Variants in KIAA0586 observed in about 807,000 individuals in gnomAD.
The protein encoded by KIAA0586 is protein TALPID3.
In KIAA0586, 144 loss-of-function variants were observed where a neutral mutation model predicts 169.8. The observed-to-expected ratio is 0.85, with a 90% CI of 0.74 to 0.97. KIAA0586 has a LOEUF of 0.97. KIAA0586 is among the 50% of genes least tolerant of loss of function. The pLI is 0.00. For missense variants in KIAA0586, 1,854 were observed against 1,823.0 expected (o/e 1.02, Z -0.31); for synonymous variants, 625 against 612.4 (o/e 1.02, Z -0.30).
chr14:58,498,794 CAG>C lies in KIAA0586; in HGVS notation c.4003_4004del (p.Ser1335CysfsTer3), dbSNP rs750350722. The C allele has an allele frequency of 1.3e-6, 2 of 1,594,384 alleles. No homozygotes were observed. The highest frequency in any genetic ancestry group is 2.3e-5 in the South Asian group (2 of 85,738). On this transcript the variant is annotated frameshift_variant, in exon 27 of 31. Coordinates refer to ENST00000652326, the MANE Select transcript of KIAA0586 (RefSeq NM_001329943.3). LOFTEE classifies it high-confidence loss of function. ...TCTGCTTTTTAAAGGACTTGGAAAACAGTGTGGGTGAACTTAGTGAAGGACAA... is the reference window on the plus strand; with the variant it reads ...TCTGCTTTTTAAAGGACTTGGAAAACTGTGGGTGAACTTAGTGAAGGACAA... ...AVYHSEDLEN[S>X]VGELSEGQRP... is the part of the protein sequence containing the mutation.
At chr14:58,547,599 G>T (rs750525482) in intron 30 of KIAA0586, among the ~76,000 whole-genome samples, 182 bp from the exon 31 acceptor site, 9 of 152,150 alleles carry the variant, frequency 5.9e-5, no homozygotes, top group Non-Finnish European at 1.2e-4. Flanking sequence ...GTGGAAAGGA[G>T]GAAGGTGTAT....
In KIAA0586 at chr14:58,489,223, A is replaced by ATT. The variant is rs5808974; in HGVS notation, c.3781+364_3781+365dup. Among the ~76,000 whole-genome samples the ATT allele has an allele frequency of 6.4e-3, 869 of 135,596 alleles. 25 individuals carry two copies. Among genetic ancestry groups the ATT allele is most frequent in the African/African-American group, 0.017 (633 of 36,502 alleles). The allele number at this position is 135,596 out of a possible 152,430, so 89.0% of individuals were successfully genotyped here. On this transcript the variant is annotated intron_variant, in intron 24 of 30. Coordinates refer to ENST00000652326, the MANE Select transcript of KIAA0586 (RefSeq NM_001329943.3). Reference sequence around the variant, plus strand: ...CTATGCATATTGTTTTGAAACCTGAATTTTTTTTTTTTTTTTGAGACAGGT... The same window carrying ATT: ...CTATGCATATTGTTTTGAAACCTGAATTTTTTTTTTTTTTTTTTGAGACAGGT...
At chr14:58,490,342 CA>C in intron 25 of KIAA0586, 102 bp downstream of exon 25, 1 of 517,920 alleles carries the variant, frequency 1.9e-6, no homozygotes, top group Non-Finnish European at 3.3e-6. Context: ...GAGTTATAGA[CA>C]CAAAATTTAG....
At chr14:58,435,621 T>C (rs535182299) in intron 4 of KIAA0586, among the ~76,000 whole-genome samples, 2 of 152,304 alleles carry the variant, frequency 1.3e-5, no homozygotes, top group East Asian at 3.9e-4. Context: ...AATCTCTCCC[T>C]ATGCCCCCCT....
chr14:58,439,060 CTG>C (rs2038070183), intron 4 of KIAA0586, among the ~76,000 whole-genome samples: 1 of 152,186 alleles, frequency 6.6e-6, no homozygotes, highest in African/African-American at 2.4e-5. Context: ...ATGTGCCAAA[CTG>C]AGAGAAAAAG....
intron 4 of KIAA0586, among the ~76,000 whole-genome samples, chr14:58,438,797 G>C (rs1202541962): frequency 6.6e-6 from 1 of 152,176 alleles, no homozygotes; most frequent in Non-Finnish European, 1.5e-5. Context: ...TGGAAGAAGG[G>C]TGAGAGAGCA....
At chr14:58,437,729 AGGCCAAGTTCAC>A (rs1566781900) in intron 4 of KIAA0586, among the ~76,000 whole-genome samples, 1 of 127,836 alleles carries the variant, frequency 7.8e-6, no homozygotes, top group African/African-American at 2.9e-5. Flanking sequence ...AAAAAAAAAA[AGGCCAAGTTCAC>A]AAAAGGGATC....
Position 58,427,858 on chromosome 14 carries a change from G to A in KIAA0586, c.-407G>A, listed in dbSNP as rs1013183426. On this transcript the variant is annotated 5_prime_UTR_variant, in exon 1 of 31. The change creates a new upstream start codon in the 5' untranslated region. Transcript: ENST00000652326. ...TGAAGAAAGCTATTACGCTTCTTAT[G>A]TGGGTCATTATTTTAAAAATAGCAT... 27 of 1,401,330 alleles carry A rather than the reference G, an allele frequency of 1.9e-5. No individual in the cohort carries two copies. Among genetic ancestry groups the A allele is most frequent in the Non-Finnish European group, 2.5e-5 (27 of 1,070,490 alleles). 86.8% of individuals were successfully genotyped at this position (1,401,330 alleles called of 1,614,324 possible). A position where few individuals can be genotyped will look rare whatever the true frequency, so the allele number is the denominator to read the frequency against.
At chr14:58,485,168 C>A (rs1410662226) in intron 21 of KIAA0586, among the ~76,000 whole-genome samples, 1 of 150,608 alleles carries the variant, frequency 6.6e-6, no homozygotes, top group Non-Finnish European at 1.5e-5. Context: ...GTGATCTGCC[C>A]ATCTCAGCCT....
At chr14:58,491,841 A>C (rs1445421098) in intron 25 of KIAA0586, among the ~76,000 whole-genome samples, 1 of 152,264 alleles carries the variant, frequency 6.6e-6, no homozygotes, top group Non-Finnish European at 1.5e-5. Flanking sequence ...GATATCATAT[A>C]AAACATTTAT....
chr14:58,490,012 T>A (rs1261740658), intron 24 of KIAA0586, among the ~76,000 whole-genome samples, 152 bp from the exon 25 acceptor site: 1 of 152,202 alleles, frequency 6.6e-6, no homozygotes, highest in Non-Finnish European at 1.5e-5. Context: ...ACTGGTAAGA[T>A]TGAGTAGTTT....
intron 22 of KIAA0586, 119 bp from the exon 23 acceptor site, chr14:58,487,768 A>C: frequency 1.6e-6 from 1 of 624,782 alleles, no homozygotes; most frequent in African/African-American, 1.8e-5. Flanking sequence ...TATTAATTAT[A>C]ATTGCCATTA....
At chr14:58,433,004 G>A (rs2037506196) in intron 4 of KIAA0586, 1 of 152,252 alleles carries the variant, frequency 6.6e-6, no homozygotes, top group South Asian at 2.1e-4. Context: ...GCGTGAGCCA[G>A]TGCGCCCTGT....
At chr14:58,555,095 C>CTTTTTTTTTTTTTTTTTTTT (rs375867068), downstream of KIAA0586, among the ~76,000 whole-genome samples, 1 of 113,478 alleles carries the variant, frequency 8.8e-6, no homozygotes, top group African/African-American at 3.3e-5. Flanking sequence ...CTTTTTCTTT[C>CTTTTTTTTTTTTTTTTTTTT]TTTCTTTTTT....
chr14:58,486,490 G>T (rs914688461), intron 21 of KIAA0586, among the ~76,000 whole-genome samples: 1 of 151,910 alleles, frequency 6.6e-6, no homozygotes, highest in Non-Finnish European at 1.5e-5. Flanking sequence ...AGACATACAA[G>T]CAGTCAACAA....
chr14:58,427,753 C>T lies in KIAA0586; in HGVS notation c.-512C>T. 2.0e-6 allele frequency: 3 copies of T among 1,532,524 alleles called. No homozygotes were observed. Among genetic ancestry groups the T allele is most frequent in the South Asian group, 1.2e-5 (1 of 83,636 alleles). The allele number at this position is 1,532,524 out of a possible 1,614,324, so 94.9% of individuals were successfully genotyped here. A position where few individuals can be genotyped will look rare whatever the true frequency, so the allele number is the denominator to read the frequency against. The stretch of plus-strand genomic sequence containing the variant: ...AGATTACACCCACGACGGTGCGGGT[C>T]TCGGGCGTTCTGGAGATACGTAGGG... On this transcript the variant is annotated 5_prime_UTR_variant, in exon 1 of 31. Transcript: ENST00000652326.
intron 30 of KIAA0586, 147 bp downstream of exon 30, chr14:58,540,283 G>T (rs1303501430): frequency 1.6e-5 from 9 of 567,440 alleles, no homozygotes; most frequent in Non-Finnish European, 1.9e-5. Context: ...ATTCACCCCA[G>T]GTTACAAACT....
At chr14:58,494,328 T>TG (rs1491112995) in intron 26 of KIAA0586, among the ~76,000 whole-genome samples, 1 of 16,126 alleles carries the variant, frequency 6.2e-5, no homozygotes, top group Non-Finnish European at 1.8e-4. Context: ...TGTTTTTTGT[T>TG]GTTTTTTTTT....
chr14:58,514,187 TC>T (rs1169948337), intron 29 of KIAA0586, among the ~76,000 whole-genome samples: 2 of 152,102 alleles, frequency 1.3e-5, no homozygotes, highest in Non-Finnish European at 2.9e-5. Flanking sequence ...ATGACTTTTT[TC>T]CCCATAGATT....
Sources: allele counts gnomAD v4.1 joint callset (sites outside exome capture counted in the v4.1 genomes callset), GRCh38; gene constraint gnomAD v4.1.1; transcripts MANE v1.5; gene names NCBI Gene and HGNC (gene_info 2026-07-23, HGNC 2026-07-21).